The following NRXN3 variants were observed in gnomAD, a reference collection of about 807,000 sequenced individuals.
The protein encoded by NRXN3 is neurexin 3, also known as neurexin III.
In NRXN3, 32 loss-of-function variants were observed where a neutral mutation model predicts 137.6. That is an observed-to-expected ratio of 0.23 (90% CI 0.18 to 0.31). NRXN3 has a LOEUF of 0.31. NRXN3 is among the 10% of genes least tolerant of loss of function. The pLI is 1.00. For missense variants in NRXN3, 1,574 were observed against 2,062.5 expected (o/e 0.76, Z 4.59); for synonymous variants, 798 against 784.5 (o/e 1.02, Z -0.29).
chr14:79,249,383 A>G (rs1437973929), intron 15 of NRXN3, among the ~76,000 whole-genome samples: 1 of 152,184 alleles, frequency 6.6e-6, no homozygotes, highest in African/African-American at 2.4e-5. Flanking sequence ...AAGAAGGCAT[A>G]CACAAAATGG....
At chr14:78,473,598 A>G (rs566908431) in intron 4 of NRXN3, among the ~76,000 whole-genome samples, 1 of 152,196 alleles carries the variant, frequency 6.6e-6, no homozygotes, top group Non-Finnish European at 1.5e-5. Flanking sequence ...GTAGCAAATC[A>G]CCATGAAACT....
At chr14:78,589,894 G>T (rs1428972402) in intron 4 of NRXN3, among the ~76,000 whole-genome samples, 1 of 152,148 alleles carries the variant, frequency 6.6e-6, no homozygotes, top group East Asian at 1.9e-4. Flanking sequence ...GGAGGCGGAG[G>T]TTGTAGTGAG....
chr14:78,467,260 C>A (rs2095135201), intron 4 of NRXN3, among the ~76,000 whole-genome samples: 1 of 152,106 alleles, frequency 6.6e-6, no homozygotes, highest in Non-Finnish European at 1.5e-5. Flanking sequence ...AGGATCTCAC[C>A]CCCTAGTCTG....
At chr14:78,510,466 C>A (rs1367256735) in intron 4 of NRXN3, among the ~76,000 whole-genome samples, 1 of 152,076 alleles carries the variant, frequency 6.6e-6, no homozygotes, top group Admixed American at 6.5e-5. Context: ...TTCAAAGAAT[C>A]CTACATCCAC....
At chr14:79,317,376 G>A (rs767786219) in intron 15 of NRXN3, among the ~76,000 whole-genome samples, 5 of 152,086 alleles carry the variant, frequency 3.3e-5, no homozygotes, top group African/African-American at 7.2e-5. Flanking sequence ...CTTTGATCAC[G>A]GCCTTGTTGT....
intron 16 of NRXN3, among the ~76,000 whole-genome samples, chr14:79,501,745 GAAA>G (rs5809937): frequency 1.4e-5 from 2 of 145,350 alleles, no homozygotes. Flanking sequence ...TTCCCTCTAG[GAAA>G]AAAAAAAAAA....
At chr14:78,485,566 C>G (rs1264593891) in intron 4 of NRXN3, among the ~76,000 whole-genome samples, 1 of 152,178 alleles carries the variant, frequency 6.6e-6, no homozygotes, top group East Asian at 1.9e-4. Flanking sequence ...GTAGTAAATG[C>G]TCAACAAATT....
At chr14:78,311,145 G>T (rs533297851) in intron 4 of NRXN3, among the ~76,000 whole-genome samples, 43 of 152,210 alleles carry the variant, frequency 2.8e-4, no homozygotes, top group African/African-American at 9.6e-4. Flanking sequence ...TTAAAATAGT[G>T]CTACACAGTG....
chr14:79,617,666 C>T (rs2098171891), intron 16 of NRXN3, among the ~76,000 whole-genome samples: 2 of 151,952 alleles, frequency 1.3e-5, no homozygotes, highest in African/African-American at 4.8e-5. Flanking sequence ...ATGAGTCTTT[C>T]CCTAACGAGA....
At chr14:78,993,834 ATTTTTTTTTTTTTTTTTTTT>A (rs58170856) in intron 15 of NRXN3, among the ~76,000 whole-genome samples, 7 of 67,006 alleles carry the variant, frequency 1.0e-4, no homozygotes, top group South Asian at 7.6e-4. Context: ...GAGCCTTGAA[ATTTTTTTTTTTTTTTTTTTT>A]TTTTTTTTTT....
chr14:79,264,794 G>C (rs973568285), intron 15 of NRXN3, among the ~76,000 whole-genome samples: 3 of 152,018 alleles, frequency 2.0e-5, no homozygotes, highest in Non-Finnish European at 4.4e-5. Context: ...ACATCTTTCA[G>C]ATCCCTTCTA....
At chr14:79,079,158 G>C (rs376750437) in intron 15 of NRXN3, among the ~76,000 whole-genome samples, 1 of 152,202 alleles carries the variant, frequency 6.6e-6, no homozygotes, top group East Asian at 1.9e-4. Flanking sequence ...TCCCTTTCTT[G>C]TTGAGGATGC....
At chr14:78,845,938 A>ATGTG (rs2099025720) in intron 10 of NRXN3, among the ~76,000 whole-genome samples, 1 of 116,458 alleles carries the variant, frequency 8.6e-6, no homozygotes, top group Non-Finnish European at 1.8e-5. Context: ...GTGTGTGTGT[A>ATGTG]TGTGTGTGTA....
At chr14:79,378,888 A>C (rs1295675563) in intron 15 of NRXN3, among the ~76,000 whole-genome samples, 3 of 152,038 alleles carry the variant, frequency 2.0e-5, no homozygotes, top group Non-Finnish European at 2.9e-5. Flanking sequence ...AAAAAAAAAA[A>C]AAACCCTGAA....
intron 15 of NRXN3, among the ~76,000 whole-genome samples, chr14:79,354,961 A>G (rs1231964313): frequency 6.6e-6 from 1 of 152,114 alleles, no homozygotes; most frequent in Non-Finnish European, 1.5e-5. Context: ...GGTATAGATA[A>G]TTGTTGTTGG....
chr14:79,180,481 G>C (rs2153126379), intron 15 of NRXN3, among the ~76,000 whole-genome samples: 1 of 152,226 alleles, frequency 6.6e-6, no homozygotes, highest in South Asian at 2.1e-4. Context: ...TAGTTTCACT[G>C]GTACTAGAAA....
intron 15 of NRXN3, among the ~76,000 whole-genome samples, chr14:79,149,379 G>T (rs1336394342): frequency 1.3e-5 from 2 of 151,772 alleles, no homozygotes; most frequent in African/African-American, 2.4e-5. Flanking sequence ...GAGAAGGTAG[G>T]CTTGAGAAAG....
chr14:78,792,256 G>C (rs1459694011), intron 8 of NRXN3, among the ~76,000 whole-genome samples: 182 of 2,052 alleles, frequency 0.089, 1 homozygote, highest in African/African-American at 0.32. Flanking sequence ...TAGACTAAAG[G>C]CAAAAAAAAA....
At chr14:79,514,896 A>G (rs948550433) in intron 16 of NRXN3, among the ~76,000 whole-genome samples, 1 of 141,708 alleles carries the variant, frequency 7.1e-6, no homozygotes, top group African/African-American at 3.1e-5. Flanking sequence ...GATTCTGTCT[A>G]GGGGGTAATG....
Sources: allele counts gnomAD v4.1 joint callset (sites outside exome capture counted in the v4.1 genomes callset), GRCh38; gene constraint gnomAD v4.1.1; transcripts MANE v1.5; gene names NCBI Gene and HGNC (gene_info 2026-07-23, HGNC 2026-07-21).